RASSF5: variants seen among roughly 807,000 people sequenced by gnomAD.
The protein encoded by RASSF5 is ras association domain-containing protein 5.
RASSF5 carries 25 observed loss-of-function variants against 40.5 expected under a neutral mutation model. That is an observed-to-expected ratio of 0.62 (90% CI 0.45 to 0.86). The LOEUF is 0.86. RASSF5 is among the 40% of genes least tolerant of loss of function. RASSF5 has a pLI of 0.00. For synonymous variants in RASSF5, 246 were observed against 252.4 expected, an observed-to-expected ratio of 0.97 and a Z score of 0.24; for missense variants, 521 against 572.8, an observed-to-expected ratio of 0.91 and a Z score of 0.92.
At chr1:206,512,014 T>TAAAC (rs1349880919) in intron 1 of RASSF5, among the ~76,000 whole-genome samples, 8 of 152,224 alleles carry the variant, frequency 5.3e-5, no homozygotes, top group African/African-American at 1.9e-4. Context: ...TGTATTTATT[T>TAAAC]ACCTTGGGCA....
At chr1:206,509,837 G>T (rs573883443) in intron 1 of RASSF5, among the ~76,000 whole-genome samples, 1 of 151,844 alleles carries the variant, frequency 6.6e-6, no homozygotes, top group African/African-American at 2.4e-5. Context: ...CAGAATTGTC[G>T]ATCTCCTTTG....
intron 2 of RASSF5, among the ~76,000 whole-genome samples, chr1:206,556,446 A>AG (rs1471230472): frequency 6.6e-6 from 1 of 152,252 alleles, no homozygotes; most frequent in Admixed American, 6.5e-5. Flanking sequence ...ACTGCTTTGA[A>AG]GGATTCAGCC....
Position 206,573,721 on chromosome 1 carries a change from T to C in RASSF5, c.580-9548T>C, listed in dbSNP as rs145722156. On this transcript the variant is annotated intron_variant, in intron 2 of 5. Transcript: ENST00000579436. Reference sequence around the variant, plus strand: ...TGGATGGTCTACTTGGAAGTTAATATAAGTAGCCAGGCGTAGTGGCTCACG... The same window carrying C: ...TGGATGGTCTACTTGGAAGTTAATACAAGTAGCCAGGCGTAGTGGCTCACG... Among the ~76,000 whole-genome samples the C allele has an allele frequency of 4.4e-3, 666 of 152,236 alleles. 3 individuals are homozygous for C. Among genetic ancestry groups the C allele is most frequent in the African/African-American group, 0.015 (641 of 41,552 alleles).
At chr1:206,571,420 G>T (rs879995749) in intron 2 of RASSF5, 14 of 152,068 alleles carry the variant, frequency 9.2e-5, no homozygotes, top group Non-Finnish European at 1.9e-4. Context: ...CTGGGATGGG[G>T]TATTGGGATC....
chr1:206,551,218 C>T (rs1395038756), intron 2 of RASSF5, among the ~76,000 whole-genome samples: 1 of 152,186 alleles, frequency 6.6e-6, no homozygotes, highest in Non-Finnish European at 1.5e-5. Context: ...ATTTCCTTAG[C>T]TTCCAAACCC....
At chr1:206,586,539 A>C in intron 5 of RASSF5, 1 of 295,758 alleles carries the variant, frequency 3.4e-6, no homozygotes, top group Admixed American at 4.9e-5. Context: ...CACTGTCAAG[A>C]TCTCGGCTGC....
chr1:206,568,681 A>G (rs73080954), intron 2 of RASSF5, among the ~76,000 whole-genome samples: 5,661 of 152,270 alleles, frequency 0.037, 115 homozygotes, highest in Admixed American at 0.049. Context: ...CGGGCCCTGT[A>G]CAGCCTGCAG....
intron 2 of RASSF5, chr1:206,544,446 G>A (rs1553399823): frequency 6.6e-6 from 1 of 152,196 alleles, no homozygotes; most frequent in African/African-American, 2.4e-5. Context: ...TTATGGTCTG[G>A]CTCTGCCAAC....
chr1:206,586,743 G>C (rs1553407718), intron 5 of RASSF5, 83 bp from the exon 6 acceptor site: 2 of 1,038,398 alleles, frequency 1.9e-6, no homozygotes, highest in African/African-American at 3.2e-5. Context: ...GAAGGGGAAG[G>C]CAGCAGGGTC....
intron 1 of RASSF5, among the ~76,000 whole-genome samples, chr1:206,512,495 G>A (rs534823112): frequency 6.6e-5 from 10 of 152,124 alleles, no homozygotes; most frequent in Non-Finnish European, 8.8e-5. Context: ...AATTAGACTT[G>A]GTAATGAACG....
chr1:206,515,387 C>T (rs1553395255), intron 1 of RASSF5, among the ~76,000 whole-genome samples: 1 of 152,168 alleles, frequency 6.6e-6, no homozygotes, highest in Non-Finnish European at 1.5e-5. Context: ...TGTGTCTCTC[C>T]CCGCTCCCAC....
chr1:206,582,693 G>A (rs1224470224), intron 2 of RASSF5, among the ~76,000 whole-genome samples: 3 of 152,232 alleles, frequency 2.0e-5, no homozygotes, highest in Non-Finnish European at 4.4e-5. Flanking sequence ...TATGTGAAAA[G>A]CACTGTGGCA....
At chr1:206,525,295 C>T (rs916635360) in intron 1 of RASSF5, among the ~76,000 whole-genome samples, 1 of 152,180 alleles carries the variant, frequency 6.6e-6, no homozygotes, top group South Asian at 2.1e-4. Flanking sequence ...TTCTGCCAGG[C>T]AGGTTGGGTG....
At chr1:206,551,858 C>T (rs2103534167) in intron 2 of RASSF5, among the ~76,000 whole-genome samples, 1 of 152,356 alleles carries the variant, frequency 6.6e-6, no homozygotes, top group African/African-American at 2.4e-5. Context: ...TCACATCTCA[C>T]CCTGGTGACC....
In RASSF5 at chr1:206,557,838, C is replaced by T; in HGVS notation, c.579+19545C>T. 3 of 849,546 alleles carry T rather than the reference C, an allele frequency of 3.5e-6. No individual in the cohort carries two copies. The South Asian group carries it at 4.8e-5, about 13-fold the overall frequency. 52.6% of individuals were successfully genotyped at this position (849,546 alleles called of 1,614,324 possible). A position where few individuals can be genotyped will look rare whatever the true frequency, so the allele number is the denominator to read the frequency against. On this transcript the variant is annotated intron_variant, in intron 2 of 5. Coordinates refer to ENST00000579436, the MANE Select transcript of RASSF5 (RefSeq NM_182663.4). ...GGCAGTTGCCCTGAGGGCTGAGCATCGTATCTGGAGCCCTTCAGGGACCTG... is the reference window on the plus strand; with the variant it reads ...GGCAGTTGCCCTGAGGGCTGAGCATTGTATCTGGAGCCCTTCAGGGACCTG...
At position 206,513,829 on chromosome 1, in the gene RASSF5, G is replaced by T. The variant is rs781945650; in HGVS notation, c.457+5770G>T. Among the ~76,000 whole-genome samples, 1 of 152,246 alleles carries T rather than the reference G, an allele frequency of 6.6e-6. No individual in the cohort carries two copies. The highest frequency in any genetic ancestry group is 1.5e-5 in the Non-Finnish European group (1 of 68,038). ...GGCTGAGGTGATGACGTTAGACCAG[G>T]CAGAAGGCTGGGTTCCCTGGGGGCA... On this transcript the variant is annotated intron_variant, in intron 1 of 5. Coordinates refer to ENST00000579436, the MANE Select transcript of RASSF5 (RefSeq NM_182663.4). The surrounding 1 kb of genome is among the most constrained non-coding windows in gnomAD (Gnocchi z 5.0).
intron 2 of RASSF5, among the ~76,000 whole-genome samples, chr1:206,540,500 C>A (rs1254123753): frequency 3.9e-5 from 6 of 152,254 alleles, no homozygotes; most frequent in African/African-American, 4.8e-5. Flanking sequence ...TGAACCGCCC[C>A]CAGTGGGCAA....
chr1:206,569,898 T>C (rs1171431107), intron 2 of RASSF5, among the ~76,000 whole-genome samples: 1 of 152,132 alleles, frequency 6.6e-6, no homozygotes, highest in African/African-American at 2.4e-5. Flanking sequence ...TTGGAGGGCT[T>C]GGCGTGATGG....
Position 206,513,827 on chromosome 1 carries a change from A to G in RASSF5, c.457+5768A>G, listed in dbSNP as rs1327363277. ...GAGGCTGAGGTGATGACGTTAGACC[A>G]GGCAGAAGGCTGGGTTCCCTGGGGG... On this transcript the variant is annotated intron_variant, in intron 1 of 5. Coordinates refer to ENST00000579436, the MANE Select transcript of RASSF5 (RefSeq NM_182663.4). The surrounding 1 kb of genome is among the most constrained non-coding windows in gnomAD (Gnocchi z 5.0). Among the ~76,000 whole-genome samples the G allele has an allele frequency of 6.6e-6, 1 of 152,236 alleles. No individual in the cohort carries two copies. The highest frequency in any genetic ancestry group is 1.5e-5 in the Non-Finnish European group (1 of 68,040).
Sources: gnomAD v4.1 joint callset for allele counts (sites outside exome capture counted in the v4.1 genomes callset) on GRCh38, gnomAD v4.1.1 for gene constraint, Gnocchi (gnomAD v3.1) non-coding constraint, MANE v1.5 for transcripts, NCBI Gene and HGNC (gene_info 2026-07-23, HGNC 2026-07-21) for gene names.